The following KMT2A variants were observed in gnomAD, a reference collection of about 807,000 sequenced individuals.
KMT2A encodes lysine methyltransferase 2A.
KMT2A carries 16 observed loss-of-function variants against 345.3 expected under a neutral mutation model. The ratio of observed to expected loss-of-function variants is 0.05; its 90% CI spans 0.03 to 0.07. The LOEUF (loss-of-function observed/expected upper bound fraction) is 0.07, where lower values mean the gene tolerates loss of function less well. Ranked by LOEUF, KMT2A falls within the 10% of genes least tolerant of loss-of-function variation. The probability of loss-of-function intolerance (pLI) is 1.00; values close to 1 mark genes in which losing one functional copy is unlikely to be tolerated. For missense variants in KMT2A, 3,272 were observed against 4,841.6 expected (o/e 0.68, Z 9.62); for synonymous variants, 1,599 against 1,778.6 (o/e 0.90, Z 2.54).
At position 118,477,071 on chromosome 11, in the gene KMT2A, T is replaced by G. The variant is rs1430357449; in HGVS notation, c.3334+89T>G. ...GGGATGCCCAGTAGGCTCTTCATAG[T>G]TAGTAGGTCCTCTGAAAAACAGATG... On this transcript the variant is annotated intron_variant, in intron 4 of 35. Coordinates refer to ENST00000534358, the MANE Select transcript of KMT2A (RefSeq NM_001197104.2). The G allele has an allele frequency of 7.3e-6, 9 of 1,239,444 alleles. No homozygotes were observed. The East Asian group carries it at 1.9e-4, about 26-fold the overall frequency. The allele number at this position is 1,239,444 out of a possible 1,614,324, so 76.8% of individuals were successfully genotyped here.
chr11:118,448,705 G>T (rs1288341675), intron 1 of KMT2A: 2 of 152,056 alleles, frequency 1.3e-5, no homozygotes, highest in African/African-American at 2.4e-5. Context: ...TTTAAGATTA[G>T]TTATACATCT....
rs974696995 is a variant in KMT2A, at chr11:118,516,825, G to A, written c.11147-2793G>A. 3.9e-5 allele frequency among the ~76,000 whole-genome samples: 6 copies of A among 152,254 alleles called. No individual in the cohort carries two copies. The East Asian group carries it at 5.8e-4, about 15-fold the overall frequency. ...CCTGCACATTGCATGGTTTGTATAC[G>A]TCTCTGCCTTCCTCTGCTGTGAGCT... On this transcript the variant is annotated intron_variant, in intron 31 of 35. Transcript: ENST00000534358.
chr11:118,447,674 G>A, intron 1 of KMT2A: 1 of 451,764 alleles, frequency 2.2e-6, no homozygotes, highest in East Asian at 7.0e-5. Context: ...GTTCTGAGGA[G>A]ACTCAAAAGA....
intron 27 of KMT2A, 125 bp downstream of exon 27, chr11:118,506,771 G>A (rs1461990203): frequency 6.9e-6 from 7 of 1,012,498 alleles, no homozygotes; most frequent in East Asian, 5.0e-5. Context: ...GGAGTTTTCC[G>A]GGTTTTGACT....
rs1555045700 is a variant in KMT2A, at chr11:118,501,704, G to A, written c.6352G>A (p.Glu2118Lys). 3 of 1,613,620 alleles carry A rather than the reference G, an allele frequency of 1.9e-6. No homozygotes were observed. Among genetic ancestry groups the A allele is most frequent in the Admixed American group, 1.7e-5 (1 of 59,976 alleles). ...SSSKESQNTA[E>K]IISPPSPDRP... is the part of the protein sequence containing the mutation. ...ATCAAAAGAGAGTCAAAACACAGCT[G>A]AAATTATAAGTCCTCCATCACCAGA... The change falls in exon 26 of 36, where the codon GAA (glutamate) becomes AAA (lysine). Residue 2118 changes from glutamate to lysine, a missense_variant. Glu to Lys is a moderately conservative substitution (Grantham distance 56, BLOSUM62 1). Coordinates refer to ENST00000534358, the MANE Select transcript of KMT2A (RefSeq NM_001197104.2).
intron 1 of KMT2A, among the ~76,000 whole-genome samples, chr11:118,443,827 G>A (rs1949362335): frequency 6.6e-6 from 1 of 152,160 alleles, no homozygotes; most frequent in Admixed American, 6.5e-5. Context: ...CGGTCCAGTA[G>A]CATTTATTTC....
In KMT2A at chr11:118,521,367, G is replaced by A. The variant is rs200134640; in HGVS notation, c.11593G>A (p.Val3865Ile). 191 of 1,613,922 alleles carry A rather than the reference G, an allele frequency of 1.2e-4. No homozygotes were observed. Among genetic ancestry groups the A allele is most frequent in the East Asian group, 1.1e-4 (5 of 44,888 alleles). The change falls in exon 35 of 36, where the codon GTC becomes ATC. Residue 3865 changes from valine to isoleucine, a missense_variant. This residue lies in a region of KMT2A where 78 missense variants were observed against 254.5 expected (regional missense o/e 0.31). Transcript: ENST00000534358. The surrounding 1 kb of genome is among the most constrained non-coding windows in gnomAD (Gnocchi z 5.3). ...GATGGTGATTGAGTATGCCGGCAAC[G>A]TCATCCGCTCCATCCAGACTGACAA... ...GEMVIEYAGNVIRSIQTDKRE... is the reference protein window; with the variant it reads ...GEMVIEYAGNIIRSIQTDKRE...
rs1310340377 is a variant in KMT2A at position 118,502,130 on chromosome 11, G to A, written c.6506-268G>A. Among the ~76,000 whole-genome samples, 1 of 152,000 alleles carries A rather than the reference G, an allele frequency of 6.6e-6. No individual in the cohort carries two copies. Among genetic ancestry groups the A allele is most frequent in the Non-Finnish European group, 1.5e-5 (1 of 68,012 alleles). ...TAGCCAGGTGTGGCGGTGCATGCCT[G>A]TAATCCCAGCTACCCAGGAGGCTAA... On this transcript the variant is annotated intron_variant, in intron 26 of 35. Transcript: ENST00000534358. This position sits in a 1 kb window ranked among gnomAD's most constrained non-coding sequence, Gnocchi z 4.9.
intron 1 of KMT2A, chr11:118,439,244 T>C (rs957238771): frequency 8.1e-6 from 3 of 370,544 alleles, no homozygotes; most frequent in Admixed American, 7.3e-5. Context: ...TGGTTATATG[T>C]AGCATTTTAG....
At chr11:118,513,522 C>G (rs1229272100) in intron 31 of KMT2A, among the ~76,000 whole-genome samples, 1 of 151,706 alleles carries the variant, frequency 6.6e-6, no homozygotes, top group Non-Finnish European at 1.5e-5. Context: ...ACATGCATGG[C>G]TATTATAACA....
chr11:118,445,367 C>T (rs1056158898), intron 1 of KMT2A, among the ~76,000 whole-genome samples: 29 of 152,166 alleles, frequency 1.9e-4, no homozygotes, highest in Admixed American at 5.2e-4. Context: ...CAGGCCAAGG[C>T]AGCTATAATG....
Position 118,494,738 on chromosome 11 carries a change from G to T in KMT2A, c.5334G>T (p.Arg1778Ser). 1.2e-6 allele frequency: 2 copies of T among 1,613,894 alleles called. No homozygotes were observed. The highest frequency in any genetic ancestry group is 1.7e-6 in the Non-Finnish European group (2 of 1,179,904). ...VFPWFSVKKSRFWEPNKVSSN... is the reference protein window; with the variant it reads ...VFPWFSVKKSSFWEPNKVSSN... Reference sequence around the variant, plus strand: ...CATGGTTCAGTGTCAAAAAGTCCAGGTTTTGGGAGCCAAATAAAGTATCAA... The same window carrying T: ...CATGGTTCAGTGTCAAAAAGTCCAGTTTTTGGGAGCCAAATAAAGTATCAA... Residue 1778 changes from arginine to serine, a missense_variant, in exon 18 of 36, where the codon AGG (arginine) becomes AGT (serine). Around this residue, in one of 27 missense-constraint regions of KMT2A, gnomAD observed 235 missense variants for 503.4 expected, o/e 0.47. Transcript: ENST00000534358. The surrounding 1 kb of genome is among the most constrained non-coding windows in gnomAD (Gnocchi z 5.8).
chr11:118,501,526 T>C (rs1159654828), intron 25 of KMT2A, 146 bp from the exon 26 acceptor site: 2 of 664,514 alleles, frequency 3.0e-6, no homozygotes, highest in Non-Finnish European at 5.0e-6. Context: ...AGTACTATGA[T>C]TGAAAGCTGG....
rs1949957599 is a variant in KMT2A at position 118,472,360 on chromosome 11, A to G, written c.1201A>G (p.Thr401Ala). Reference sequence around the variant, plus strand: ...TCAGCTGCAGGGAAGAAAGGTGAAGACACAGGTCAAAAATATTCGACAGTT... The same window carrying G: ...TCAGCTGCAGGGAAGAAAGGTGAAGGCACAGGTCAAAAATATTCGACAGTT... ...AAQLQGRKVK[T>A]QVKNIRQFIM... Residue 401 changes from threonine (T) to alanine (A), a missense_variant, in exon 3 of 36, where the codon ACA becomes GCA. Thr to Ala is a moderately conservative substitution (Grantham distance 58, BLOSUM62 0). Transcript: ENST00000534358. 6.2e-7 allele frequency: 1 copy of G among 1,614,050 alleles called. No homozygotes were observed. Among genetic ancestry groups the G allele is most frequent in the Non-Finnish European group, 8.5e-7 (1 of 1,180,016 alleles).
intron 5 of KMT2A, 145 bp downstream of exon 5, chr11:118,478,346 T>C: frequency 1.6e-6 from 1 of 639,034 alleles, no homozygotes; most frequent in Non-Finnish European, 2.7e-6. Context: ...TTTTGTGGTG[T>C]GGGCTGTGCT....
Position 118,526,410 on chromosome 11 carries a change from T to C in KMT2A, c.*4238T>C, listed in dbSNP as rs1260457650. 8.8e-6 allele frequency: 2 copies of C among 227,874 alleles called. No individual in the cohort carries two copies. The highest frequency in any genetic ancestry group is 1.8e-4 in the South Asian group (1 of 5,474). 14.1% of individuals were successfully genotyped at this position (227,874 alleles called of 1,614,324 possible). Reference sequence around the variant, plus strand: ...GAAAATAGAATTGTGGTGTTTCTTTTATTGAACTTTTAACAGTCTCTTTAG... The same window carrying C: ...GAAAATAGAATTGTGGTGTTTCTTTCATTGAACTTTTAACAGTCTCTTTAG... On this transcript the variant is annotated 3_prime_UTR_variant, in exon 36 of 36. Transcript: ENST00000534358.
At position 118,482,040 on chromosome 11, in the gene KMT2A, C is replaced by T. The variant is rs782228102; in HGVS notation, c.3960C>T (p.Pro1320=). The change falls in exon 7 of 36, where the codon CCC becomes CCT. Residue 1320 remains proline (P), a synonymous_variant. Transcript: ENST00000534358. ...PTTGPPRKEV[P]KTTPSEPKKK... ...CAGGACCGCCAAGAAAAGAAGTTCC[C>T]AAAACCACTCCTAGTGAGCCCAAGA... 3 of 1,613,982 alleles carry T rather than the reference C, an allele frequency of 1.9e-6. No individual in the cohort carries two copies. The highest frequency in any genetic ancestry group is 2.5e-6 in the Non-Finnish European group (3 of 1,179,924).
At chr11:118,489,743 G>A (rs1950294895) in intron 11 of KMT2A, 49 bp from the exon 12 acceptor site, 2 of 1,483,426 alleles carry the variant, frequency 1.3e-6, no homozygotes, top group Non-Finnish European at 1.9e-6. Context: ...ATAGGTGTTG[G>A]GTGAAGGTAA....
In KMT2A at chr11:118,506,137, A is replaced by T; in HGVS notation, c.10245A>T (p.Ser3415=). The change falls in exon 27 of 36, where the codon TCA becomes TCT. Residue 3415 remains serine (S), a synonymous_variant. Transcript: ENST00000534358. ...SSGMFPQLGT[S]QTPSTAAITA... is the part of the protein sequence containing the mutation. ...GAATGTTTCCACAACTGGGGACATC[A>T]CAGACCCCCTCTACTGCTGCAATAA... is the stretch of plus-strand genomic sequence containing the variant. The T allele has an allele frequency of 6.2e-7, 1 of 1,614,148 alleles. No homozygotes were observed. Among genetic ancestry groups the T allele is most frequent in the Non-Finnish European group, 8.5e-7 (1 of 1,180,036 alleles).
Sources: gnomAD v4.1 joint callset for allele counts (sites outside exome capture counted in the v4.1 genomes callset) on GRCh38, gnomAD v4.1.1 for gene constraint, gnomAD v4.1.1 regional missense constraint, Gnocchi (gnomAD v3.1) non-coding constraint, MANE v1.5 for transcripts, NCBI Gene and HGNC (gene_info 2026-07-23, HGNC 2026-07-21) for gene names.